The following ZNF521 variants were observed in gnomAD, a reference collection of about 807,000 sequenced individuals.
The protein encoded by ZNF521 is LYST-interacting protein 3.
Under a neutral mutation model 105.5 loss-of-function variants are expected in ZNF521, and 14 were observed. The ratio of observed to expected loss-of-function variants is 0.13; its 90% CI spans 0.09 to 0.21. The LOEUF is 0.21. ZNF521 is among the 10% of genes least tolerant of loss of function. ZNF521 has a pLI of 1.00. For synonymous variants in ZNF521, 635 were observed against 606.0 expected (o/e 1.05, Z -0.70); for missense variants, 1,233 against 1,629.7 (o/e 0.76, Z 4.19).
chr18:25,246,172 T>C (rs1047568583), intron 3 of ZNF521, among the ~76,000 whole-genome samples: 1 of 152,004 alleles, frequency 6.6e-6, no homozygotes, highest in Non-Finnish European at 1.5e-5. Flanking sequence ...CATGTATACA[T>C]ATGTAACAAA....
At chr18:25,146,418 C>A (rs2034944451) in intron 5 of ZNF521, among the ~76,000 whole-genome samples, 1 of 151,920 alleles carries the variant, frequency 6.6e-6, no homozygotes, top group Non-Finnish European at 1.5e-5. Context: ...TCCTTTGGGG[C>A]TAGGATATAT....
At chr18:25,253,786 T>C (rs972376194) in intron 3 of ZNF521, among the ~76,000 whole-genome samples, 6 of 152,112 alleles carry the variant, frequency 3.9e-5, no homozygotes, top group African/African-American at 1.4e-4. Flanking sequence ...CAGATATAAA[T>C]TGGAAATCAG....
chr18:25,062,333 A>G lies in ZNF521; in HGVS notation c.*379T>C. 1 of 248,546 alleles carries G rather than the reference A, an allele frequency of 4.0e-6. No homozygotes were observed. The allele number at this position is 248,546 out of a possible 1,614,324, so 15.4% of individuals were successfully genotyped here. ...AATTCTAGGCTTAAGTGTAAAGAAA[A>G]GGAAGTCCAACCATAGTCTCATGTA... is the stretch of plus-strand genomic sequence containing the variant. On this transcript the variant is annotated 3_prime_UTR_variant, in exon 8 of 8. Coordinates refer to ENST00000361524, the MANE Select transcript of ZNF521 (RefSeq NM_015461.3).
At chr18:25,108,465 A>C (rs1482109030) in intron 5 of ZNF521, among the ~76,000 whole-genome samples, 1 of 151,756 alleles carries the variant, frequency 6.6e-6, no homozygotes, top group Non-Finnish European at 1.5e-5. Context: ...TACAATTACC[A>C]TTTTAGTGTT....
intron 3 of ZNF521, among the ~76,000 whole-genome samples, chr18:25,244,457 C>T (rs1043636447): frequency 6.6e-6 from 1 of 152,138 alleles, no homozygotes; most frequent in Admixed American, 6.6e-5. Flanking sequence ...CTTCAGCTTC[C>T]CCAGTCTGCC....
intron 3 of ZNF521, among the ~76,000 whole-genome samples, chr18:25,307,606 G>A (rs996182899): frequency 2.0e-5 from 3 of 152,098 alleles, no homozygotes; most frequent in African/African-American, 7.2e-5. Flanking sequence ...GCTTCCAATG[G>A]TCCCTACCTC....
chr18:25,349,672 T>C (rs1409339637), intron 2 of ZNF521, among the ~76,000 whole-genome samples: 1 of 151,462 alleles, frequency 6.6e-6, no homozygotes, highest in Admixed American at 6.6e-5. Context: ...GGGAAGCTGG[T>C]GCGGGAACCG....
chr18:25,095,423 A>T (rs1216462006), intron 5 of ZNF521, among the ~76,000 whole-genome samples: 1 of 152,210 alleles, frequency 6.6e-6, no homozygotes, highest in Non-Finnish European at 1.5e-5. Context: ...GAGTCAATTG[A>T]TTTAATAACC....
rs199507114 is a variant in ZNF521, at chr18:25,062,752, C to T, written c.3907-11G>A. 1.1e-5 allele frequency: 4 copies of T among 359,496 alleles called. No homozygotes were observed. In the Admixed American group the frequency reaches 2.3e-4, roughly 21 times the overall value. 22.3% of individuals were successfully genotyped at this position (359,496 alleles called of 1,614,324 possible). ...GGTCATTGTATGATTCTGTAAATAA[C>T]AAAAAAAAAAAAAAAAAAAAAAAAA... is the stretch of plus-strand genomic sequence containing the variant. On this transcript the variant is annotated splice_polypyrimidine_tract_variant and intron_variant, in intron 7 of 7. Coordinates refer to ENST00000361524, the MANE Select transcript of ZNF521 (RefSeq NM_015461.3).
intron 4 of ZNF521, among the ~76,000 whole-genome samples, chr18:25,196,182 G>A (rs1014958954): frequency 1.3e-5 from 2 of 151,652 alleles, no homozygotes; most frequent in Non-Finnish European, 3.0e-5. Context: ...TAAAAACCAT[G>A]TTGGAAGACA....
At chr18:25,190,086 T>A (rs966316641) in intron 5 of ZNF521, among the ~76,000 whole-genome samples, 1 of 152,168 alleles carries the variant, frequency 6.6e-6, no homozygotes, top group African/African-American at 2.4e-5. Context: ...GCTTTTCAAA[T>A]AAGCCAGCAT....
intron 7 of ZNF521, among the ~76,000 whole-genome samples, chr18:25,080,690 A>G (rs1176060790): frequency 6.6e-6 from 1 of 152,220 alleles, no homozygotes; most frequent in African/African-American, 2.4e-5. Context: ...GGGGATTTAT[A>G]GTGGAAGCCC....
chr18:25,183,654 C>T (rs534078121), intron 5 of ZNF521, among the ~76,000 whole-genome samples: 13 of 152,090 alleles, frequency 8.5e-5, no homozygotes, highest in Admixed American at 2.6e-4. Flanking sequence ...ACAGTACTAT[C>T]GGCATATTAA....
intron 2 of ZNF521, among the ~76,000 whole-genome samples, chr18:25,341,221 A>G (rs1914182784): frequency 6.6e-6 from 1 of 152,192 alleles, no homozygotes; most frequent in Admixed American, 6.5e-5. Flanking sequence ...CCTGCACACT[A>G]TGGACTTTTT....
At chr18:25,065,918 C>A (rs867137665) in intron 7 of ZNF521, among the ~76,000 whole-genome samples, 1 of 152,188 alleles carries the variant, frequency 6.6e-6, no homozygotes, top group African/African-American at 2.4e-5. Context: ...TCACTTACTA[C>A]AACAGACTGA....
intron 3 of ZNF521, chr18:25,302,789 A>G (rs562317581): frequency 6.6e-6 from 1 of 152,324 alleles, no homozygotes; most frequent in African/African-American, 2.4e-5. Flanking sequence ...TTGCTAAATA[A>G]TTTAAGAATG....
chr18:25,289,791 T>C (rs1910911531), intron 3 of ZNF521, among the ~76,000 whole-genome samples: 1 of 152,148 alleles, frequency 6.6e-6, no homozygotes, highest in Admixed American at 6.6e-5. Flanking sequence ...GGGGGAAAAT[T>C]ATTTTTTAAT....
intron 4 of ZNF521, among the ~76,000 whole-genome samples, chr18:25,219,491 G>A (rs753786054): frequency 2.0e-5 from 3 of 152,230 alleles, no homozygotes; most frequent in Non-Finnish European, 4.4e-5. Context: ...GCAGGCAGCT[G>A]TTTATATGAG....
intron 2 of ZNF521, among the ~76,000 whole-genome samples, chr18:25,350,024 T>C (rs1369269466): frequency 6.6e-6 from 1 of 150,672 alleles, no homozygotes; most frequent in South Asian, 2.1e-4. Flanking sequence ...CTCGCGAAGG[T>C]GGAGGAGGCG....
Sources: gnomAD v4.1 joint callset for allele counts (sites outside exome capture counted in the v4.1 genomes callset) on GRCh38, gnomAD v4.1.1 for gene constraint, MANE v1.5 for transcripts, NCBI Gene and HGNC (gene_info 2026-07-23, HGNC 2026-07-21) for gene names.